COL23A1: variants seen among roughly 807,000 people sequenced by gnomAD.
COL23A1 encodes collagen type XXIII alpha 1 chain, also known as collagen alpha-1(XXIII) chain.
COL23A1 carries 97 observed loss-of-function variants against 99.3 expected under a neutral mutation model. That is an observed-to-expected ratio of 0.98 (90% CI 0.83 to 1.16). The LOEUF (loss-of-function observed/expected upper bound fraction) is 1.16, where lower values mean the gene tolerates loss of function less well. Ranked by LOEUF, COL23A1 falls within the 50% of genes most tolerant of loss-of-function variation. The pLI is 0.00. For synonymous variants in COL23A1, 320 were observed against 308.2 expected (o/e 1.04, Z -0.40); for missense variants, 762 against 757.4 (o/e 1.01, Z -0.07).
At chr5:178,392,873 T>C (rs1368978931) in intron 2 of COL23A1, among the ~76,000 whole-genome samples, 1 of 151,828 alleles carries the variant, frequency 6.6e-6, no homozygotes, top group Non-Finnish European at 1.5e-5. Flanking sequence ...GACCTAAGAG[T>C]GTGCCAGCGC....
chr5:178,418,522 G>T (rs1198703340), intron 2 of COL23A1, among the ~76,000 whole-genome samples: 1 of 152,228 alleles, frequency 6.6e-6, no homozygotes, highest in Non-Finnish European at 1.5e-5. Flanking sequence ...ACTTGCCCCA[G>T]CTGCCTGGTA....
intron 2 of COL23A1, among the ~76,000 whole-genome samples, chr5:178,426,028 C>T (rs1765914210): frequency 6.6e-6 from 1 of 152,174 alleles, no homozygotes; most frequent in Non-Finnish European, 1.5e-5. Flanking sequence ...CTCTCCACAG[C>T]AGGGGGGGCA....
chr5:178,410,811 A>G (rs571533563), intron 2 of COL23A1, among the ~76,000 whole-genome samples: 23 of 152,330 alleles, frequency 1.5e-4, no homozygotes, highest in Middle Eastern at 3.4e-3. Context: ...GTTAAAGGAC[A>G]TTATCAAAAA....
At chr5:178,581,104 T>A (rs1335292507) in intron 1 of COL23A1, among the ~76,000 whole-genome samples, 1 of 152,252 alleles carries the variant, frequency 6.6e-6, no homozygotes, top group African/African-American at 2.4e-5. Context: ...CAATTGCTTT[T>A]TGCTTTCGAC....
chr5:178,466,152 G>C (rs889137324), intron 2 of COL23A1, among the ~76,000 whole-genome samples: 1 of 152,028 alleles, frequency 6.6e-6, no homozygotes. Context: ...TCCCATCTTC[G>C]CCGGTGTTGG....
chr5:178,481,775 T>C (rs144622089), intron 2 of COL23A1, among the ~76,000 whole-genome samples: 101 of 150,434 alleles, frequency 6.7e-4, no homozygotes, highest in African/African-American at 2.4e-3. Flanking sequence ...GCATTAAAAA[T>C]GGTGCAGCTG....
intron 2 of COL23A1, among the ~76,000 whole-genome samples, chr5:178,493,433 T>C (rs976275829): frequency 6.6e-6 from 1 of 152,246 alleles, no homozygotes; most frequent in African/African-American, 2.4e-5. Flanking sequence ...AAGTAGGACC[T>C]ACCCTATGGT....
At chr5:178,442,436 C>T (rs542772666) in intron 2 of COL23A1, among the ~76,000 whole-genome samples, 1 of 152,276 alleles carries the variant, frequency 6.6e-6, no homozygotes, top group Admixed American at 6.5e-5. Context: ...TTTTGAGAAA[C>T]GTTTTACCCC....
Position 178,365,136 on chromosome 5 carries a change from CGTGTGTGTGTGTGT to C in COL23A1, c.362-58231_362-58218del, listed in dbSNP as rs55995523. On this transcript the variant is annotated intron_variant, in intron 2 of 28. Coordinates refer to ENST00000390654, the MANE Select transcript of COL23A1 (RefSeq NM_173465.4). The surrounding 1 kb of genome is among the most constrained non-coding windows in gnomAD (Gnocchi z 5.2). ...GGGCTTTATGATGTTGCTGTGTGTG[CGTGTGTGTGTGTGT>C]GTGTGTGTGTGTGTGTGTGTGATAA... Among the ~76,000 whole-genome samples the C allele has an allele frequency of 4.1e-5, 6 of 147,806 alleles. No homozygotes were observed. The highest frequency in any genetic ancestry group is 2.2e-4 in the South Asian group (1 of 4,556).
At chr5:178,502,384 G>T (rs554379901) in intron 2 of COL23A1, among the ~76,000 whole-genome samples, 1 of 152,196 alleles carries the variant, frequency 6.6e-6, no homozygotes. Flanking sequence ...GCCCGCCTCG[G>T]CCTCCCAAAG....
At position 178,372,684 on chromosome 5, in the gene COL23A1, C is replaced by T. The variant is rs746406679; in HGVS notation, c.362-65765G>A. On this transcript the variant is annotated intron_variant, in intron 2 of 28. Transcript: ENST00000390654. ...ACCTCCCAGCCTCAAGCCACCCTCC[C>T]GTCTCAGCCTCCCGTGTAGCTGGGA... is the stretch of plus-strand genomic sequence containing the variant. Among the ~76,000 whole-genome samples, 53 of 151,954 alleles carry T rather than the reference C, an allele frequency of 3.5e-4. 2 individuals carry two copies. The highest frequency in any genetic ancestry group is 3.0e-3 in the Admixed American group (45 of 15,254).
intron 3 of COL23A1, among the ~76,000 whole-genome samples, chr5:178,301,497 A>AT (rs1271491513): frequency 7.2e-5 from 11 of 152,114 alleles, no homozygotes; most frequent in Non-Finnish European, 1.3e-4. Flanking sequence ...CTGTCTTCTA[A>AT]TTTTTTGCTA....
intron 25 of COL23A1, 95 bp downstream of exon 25, chr5:178,245,847 G>T: frequency 7.1e-7 from 1 of 1,414,818 alleles, no homozygotes; most frequent in South Asian, 1.2e-5. Flanking sequence ...TGGGGAAAGG[G>T]GTCACACTTG....
intron 5 of COL23A1, among the ~76,000 whole-genome samples, chr5:178,277,696 G>C (rs1561817814): frequency 6.6e-6 from 1 of 152,240 alleles, no homozygotes; most frequent in African/African-American, 2.4e-5. Flanking sequence ...GCCTGAGTGT[G>C]CTGGAAGTAA....
chr5:178,278,956 C>T (rs193197825), intron 5 of COL23A1, among the ~76,000 whole-genome samples: 1 of 152,286 alleles, frequency 6.6e-6, no homozygotes, highest in Non-Finnish European at 1.5e-5. Context: ...GCAATGTGGG[C>T]CCTTCCCTCC....
At chr5:178,517,227 C>T (rs942839481) in intron 2 of COL23A1, among the ~76,000 whole-genome samples, 1 of 152,180 alleles carries the variant, frequency 6.6e-6, no homozygotes, top group African/African-American at 2.4e-5. Context: ...GCCTGGCAAA[C>T]ATGTGGCTTA....
chr5:178,256,541 C>T, intron 14 of COL23A1, 144 bp from the exon 15 acceptor site: 1 of 718,714 alleles, frequency 1.4e-6, no homozygotes, highest in South Asian at 2.3e-5. Context: ...GAGAACAGCA[C>T]TCCAGGAACG....
At chr5:178,380,815 G>T (rs1191101380) in intron 2 of COL23A1, among the ~76,000 whole-genome samples, 1 of 152,178 alleles carries the variant, frequency 6.6e-6, no homozygotes, top group Non-Finnish European at 1.5e-5. Context: ...TGCTGAGCAG[G>T]GTCACAATAT....
intron 2 of COL23A1, among the ~76,000 whole-genome samples, chr5:178,437,219 T>A (rs1766608039): frequency 1.3e-5 from 2 of 152,134 alleles, no homozygotes; most frequent in Non-Finnish European, 2.9e-5. Context: ...GAGAAAAACA[T>A]ACAATACACA....
Sources: gnomAD v4.1 joint callset for allele counts (sites outside exome capture counted in the v4.1 genomes callset) on GRCh38, gnomAD v4.1.1 for gene constraint, Gnocchi (gnomAD v3.1) non-coding constraint, MANE v1.5 for transcripts, NCBI Gene and HGNC (gene_info 2026-07-23, HGNC 2026-07-21) for gene names.